The following LCORL variants were observed in gnomAD, a reference collection of about 807,000 sequenced individuals.
The protein encoded by LCORL is ligand-dependent nuclear receptor corepressor-like protein.
A neutral mutation model predicts 141.8 loss-of-function variants in LCORL; 41 were observed. The observed-to-expected ratio is 0.29, with a 90% CI of 0.23 to 0.38. The LOEUF (loss-of-function observed/expected upper bound fraction) is 0.38. Ranked by LOEUF, LCORL falls within the 10% of genes least tolerant of loss-of-function variation. The pLI, the probability that LCORL is intolerant of heterozygous loss-of-function variation, is 1.00. For missense variants in LCORL, 1,759 were observed against 2,035.0 expected (o/e 0.86, Z 2.61); for synonymous variants, 618 against 694.1 (o/e 0.89, Z 1.72).
rs570922577 is a variant in LCORL at position 18,006,856 on chromosome 4, T to A, written c.154+14742A>T. Reference sequence around the variant, plus strand: ...AGCCAAACCATATCACATATATTATTATATTATATGAAAATACAATGCTCT... The same window carrying A: ...AGCCAAACCATATCACATATATTATAATATTATATGAAAATACAATGCTCT... On this transcript the variant is annotated intron_variant, in intron 1 of 7. Transcript: ENST00000635767. Among the ~76,000 whole-genome samples, 85 of 150,524 alleles carry A rather than the reference T, an allele frequency of 5.6e-4. 1 individual carries two copies. Among genetic ancestry groups the A allele is most frequent in the Non-Finnish European group, 7.9e-4 (54 of 68,008 alleles).
chr4:17,981,780 T>C (rs368498452), intron 1 of LCORL, among the ~76,000 whole-genome samples: 2 of 152,102 alleles, frequency 1.3e-5, no homozygotes, highest in African/African-American at 2.4e-5. Flanking sequence ...CAGGGGTACA[T>C]GTGCAGGTTT....
At chr4:17,912,051 G>T in intron 4 of LCORL, 1 of 685,180 alleles carries the variant, frequency 1.5e-6, no homozygotes, top group East Asian at 2.9e-5. Context: ...ACCTGGAGAA[G>T]AAGGGACCCC....
intron 1 of LCORL, among the ~76,000 whole-genome samples, chr4:18,016,041 G>T (rs938152691): frequency 6.6e-6 from 1 of 151,896 alleles, no homozygotes; most frequent in Non-Finnish European, 1.5e-5. Flanking sequence ...CTAGAATACA[G>T]ACCATTCAAG....
intron 4 of LCORL, among the ~76,000 whole-genome samples, chr4:17,916,581 G>A (rs142585500): frequency 1.3e-5 from 2 of 151,680 alleles, no homozygotes; most frequent in East Asian, 3.9e-4. Flanking sequence ...AGCAGATATT[G>A]GTGTCATGCT....
chr4:17,903,381 G>A lies in LCORL; in HGVS notation c.682+5713C>T, dbSNP rs963427785. 5.3e-5 allele frequency among the ~76,000 whole-genome samples: 8 copies of A among 151,930 alleles called. No individual in the cohort carries two copies. The East Asian group carries it at 1.5e-3, about 29-fold the overall frequency. On this transcript the variant is annotated intron_variant, in intron 5 of 7. Transcript: ENST00000635767. ...CCCAATCTGATCTTGTTCTGTATAG[G>A]ATTGCCTATGCTTCATAGTTGTTAC...
chr4:17,951,861 G>C (rs1243777463), intron 4 of LCORL, among the ~76,000 whole-genome samples: 3 of 152,132 alleles, frequency 2.0e-5, no homozygotes, highest in Non-Finnish European at 4.4e-5. Context: ...GTTTTATAAA[G>C]ACCAACACGC....
intron 1 of LCORL, among the ~76,000 whole-genome samples, chr4:18,019,492 G>T (rs962436098): frequency 6.6e-6 from 1 of 152,166 alleles, no homozygotes. Context: ...CAATAAAAGT[G>T]TAATACAGTA....
chr4:17,951,457 T>C (rs758560337), intron 4 of LCORL, among the ~76,000 whole-genome samples: 2 of 152,196 alleles, frequency 1.3e-5, no homozygotes, highest in Non-Finnish European at 2.9e-5. Flanking sequence ...TTTCTCAAAA[T>C]TGTTATTATT....
chr4:17,964,683 G>C (rs189021037), intron 2 of LCORL, among the ~76,000 whole-genome samples: 251 of 152,190 alleles, frequency 1.6e-3, no homozygotes, highest in Non-Finnish European at 2.9e-3. Context: ...AACGTAAGAA[G>C]AACTTGGGAC....
intron 6 of LCORL, chr4:17,883,023 ATG>A (rs1439172380): frequency 1.0e-6 from 1 of 976,106 alleles, no homozygotes; most frequent in Non-Finnish European, 1.2e-6. Flanking sequence ...GGGGTTAACT[ATG>A]TGTCAGTTTT....
chr4:17,878,238 A>G (rs1304700220), intron 6 of LCORL, 25 bp from the exon 7 acceptor site: 2 of 1,224,414 alleles, frequency 1.6e-6, no homozygotes. Context: ...CAAACAAAAA[A>G]TGAATTGCAG....
intron 4 of LCORL, among the ~76,000 whole-genome samples, chr4:17,921,269 G>T (rs534813411): frequency 6.6e-6 from 1 of 151,794 alleles, no homozygotes; most frequent in South Asian, 2.1e-4. Flanking sequence ...ATTGTGATCT[G>T]CCCCCACCTT....
rs145680111 is a variant in LCORL, at chr4:17,882,483, T to G, written c.776+3585A>C. The G allele has an allele frequency of 5.9e-4, 581 of 984,302 alleles. 3 individuals are homozygous for G. In the African/African-American group the frequency reaches 8.4e-3, roughly 14 times the overall value. 61.0% of individuals were successfully genotyped at this position (984,302 alleles called of 1,614,324 possible). Reference sequence around the variant, plus strand: ...AGGTAAAAATGACCAGTCTCTCTTATGAGTCTAGTAAAAGTTAAAATGCAC... The same window carrying G: ...AGGTAAAAATGACCAGTCTCTCTTAGGAGTCTAGTAAAAGTTAAAATGCAC... On this transcript the variant is annotated intron_variant, in intron 6 of 7. Transcript: ENST00000635767.
chr4:17,940,176 A>G (rs912439836), intron 4 of LCORL, among the ~76,000 whole-genome samples: 13 of 146,980 alleles, frequency 8.8e-5, no homozygotes, highest in East Asian at 7.9e-4. Context: ...ATACATGTAT[A>G]TATATATATA....
intron 7 of LCORL, among the ~76,000 whole-genome samples, chr4:17,854,375 T>C (rs1724116425): frequency 6.6e-6 from 1 of 152,196 alleles, no homozygotes. Flanking sequence ...GTTAGTACTA[T>C]TAGCAAAACA....
At chr4:17,941,220 C>CA (rs1298397332) in intron 4 of LCORL, among the ~76,000 whole-genome samples, 3 of 152,180 alleles carry the variant, frequency 2.0e-5, no homozygotes, top group African/African-American at 4.8e-5. Flanking sequence ...ACTAAAAATA[C>CA]AAAAAATGAG....
intron 5 of LCORL, among the ~76,000 whole-genome samples, chr4:17,893,075 A>G (rs1434987551): frequency 6.6e-6 from 1 of 152,194 alleles, no homozygotes; most frequent in Non-Finnish European, 1.5e-5. Flanking sequence ...CAATCTAACT[A>G]TACAGTTTAA....
chr4:18,021,631 C>A lies in LCORL; in HGVS notation c.121G>T (p.Asp41Tyr). ...TGCATGAGGCGGTGGCGCCAAGAGT[C>A]GAGTTCCCGCCGGAATCCTCTTCTC... The change falls in exon 1 of 8, where the codon GAC (aspartate) becomes TAC (tyrosine). Residue 41 changes from aspartate to tyrosine, a missense_variant. This residue lies in a region of LCORL where 86 missense variants were observed against 61.8 expected (regional missense o/e 1.39). Coordinates refer to ENST00000635767, the Ensembl canonical transcript of LCORL. This position sits in a 1 kb window ranked among gnomAD's most constrained non-coding sequence, Gnocchi z 5.5. The A allele has an allele frequency of 6.5e-7, 1 of 1,545,736 alleles. No individual in the cohort carries two copies. Among genetic ancestry groups the A allele is most frequent in the Non-Finnish European group, 8.7e-7 (1 of 1,145,056 alleles).
chr4:17,981,685 C>A (rs1388439472), intron 1 of LCORL, among the ~76,000 whole-genome samples: 1 of 152,064 alleles, frequency 6.6e-6, no homozygotes, highest in Non-Finnish European at 1.5e-5. Context: ...CTGCAGTGTG[C>A]TAAGCCATGA....
Sources: gnomAD v4.1 joint callset for allele counts (sites outside exome capture counted in the v4.1 genomes callset) on GRCh38, gnomAD v4.1.1 for gene constraint, gnomAD v4.1.1 regional missense constraint, Gnocchi (gnomAD v3.1) non-coding constraint, MANE v1.5 for transcripts, NCBI Gene and HGNC (gene_info 2026-07-23, HGNC 2026-07-21) for gene names.